Variants in FAM227B observed in about 807,000 individuals in gnomAD.
FAM227B encodes protein FAM227B.
A neutral mutation model predicts 73.8 loss-of-function variants in FAM227B; 88 were observed. The observed-to-expected ratio is 1.19, with a 90% CI of 1.00 to 1.42. The LOEUF is 1.42. Among genes scored for constraint, FAM227B ranks in the 40% most tolerant of loss-of-function variants. The probability of loss-of-function intolerance (pLI) is 0.00; values close to 1 mark genes in which losing one functional copy is unlikely to be tolerated. For missense variants in FAM227B, 632 were observed against 590.9 expected (o/e 1.07, Z -0.72); for synonymous variants, 210 against 190.5 (o/e 1.10, Z -0.84).
intron 13 of FAM227B, chr15:49,366,715 G>T: frequency 8.0e-7 from 1 of 1,247,756 alleles, no homozygotes; most frequent in Non-Finnish European, 1.2e-6. Flanking sequence ...GGGGTGGCGC[G>T]GCGCGGCTCA....
intron 5 of FAM227B, among the ~76,000 whole-genome samples, chr15:49,580,196 A>G (rs1315406556): frequency 6.6e-6 from 1 of 152,204 alleles, no homozygotes; most frequent in East Asian, 1.9e-4. Flanking sequence ...GCCCATTTCA[A>G]TAGATTTTGA....
At chr15:49,464,608 A>G (rs1176554848) in intron 11 of FAM227B, among the ~76,000 whole-genome samples, 1 of 152,222 alleles carries the variant, frequency 6.6e-6, no homozygotes, top group East Asian at 1.9e-4. Flanking sequence ...ATACAAGATA[A>G]AAGTCACTGA....
At chr15:49,368,981 AT>A (rs1231417684) in intron 12 of FAM227B, among the ~76,000 whole-genome samples, 2 of 151,778 alleles carry the variant, frequency 1.3e-5, no homozygotes, top group Non-Finnish European at 1.5e-5. Context: ...GTTTGTTTTT[AT>A]TTTTTTGAGA....
At chr15:49,554,666 G>A (rs924712599) in intron 9 of FAM227B, among the ~76,000 whole-genome samples, 3 of 152,176 alleles carry the variant, frequency 2.0e-5, no homozygotes, top group African/African-American at 7.2e-5. Context: ...GCTGGGGGTT[G>A]GGGAGGGGTG....
chr15:49,363,707 C>G (rs1567156541), intron 13 of FAM227B, among the ~76,000 whole-genome samples: 1 of 151,866 alleles, frequency 6.6e-6, no homozygotes, highest in Non-Finnish European at 1.5e-5. Flanking sequence ...GTTCTGGTTT[C>G]CAAGGTGAAT....
intron 15 of FAM227B, chr15:49,330,516 A>G (rs936459830): frequency 6.6e-6 from 1 of 152,190 alleles, no homozygotes; most frequent in Admixed American, 6.5e-5. Context: ...CAGGGCATCA[A>G]TGAACTAGGG....
At chr15:49,344,496 C>T (rs561184780) in intron 13 of FAM227B, among the ~76,000 whole-genome samples, 4 of 152,286 alleles carry the variant, frequency 2.6e-5, no homozygotes, top group African/African-American at 9.6e-5. Context: ...AGTTTCTCCT[C>T]TCATCCCCAA....
chr15:49,531,921 T>C (rs1334506518), intron 10 of FAM227B, among the ~76,000 whole-genome samples: 1 of 151,816 alleles, frequency 6.6e-6, no homozygotes, highest in Admixed American at 6.6e-5. Context: ...ATAAGTTTGT[T>C]ACTAGATAAA....
intron 11 of FAM227B, among the ~76,000 whole-genome samples, chr15:49,392,726 A>G (rs1249359965): frequency 6.6e-6 from 1 of 152,208 alleles, no homozygotes; most frequent in African/African-American, 2.4e-5. Flanking sequence ...GTGGGTAATT[A>G]TAAGTTCATT....
chr15:49,356,364 G>C (rs1287550822), intron 13 of FAM227B, among the ~76,000 whole-genome samples: 2 of 149,822 alleles, frequency 1.3e-5, no homozygotes, highest in African/African-American at 4.9e-5. Flanking sequence ...ACACACATAG[G>C]CTCAAAATAA....
At chr15:49,543,425 T>C (rs4775814) in intron 9 of FAM227B, among the ~76,000 whole-genome samples, 42,012 of 152,134 alleles carry the variant, frequency 0.28, 6,027 homozygotes, top group East Asian at 0.38. Context: ...GTCGGATGCA[T>C]AGCTTGCAAA....
At chr15:49,497,079 C>T (rs927257610) in intron 11 of FAM227B, among the ~76,000 whole-genome samples, 2 of 152,052 alleles carry the variant, frequency 1.3e-5, no homozygotes, top group Admixed American at 1.3e-4. Flanking sequence ...GGATAGAAGT[C>T]TTTAAAGAAC....
intron 3 of FAM227B, among the ~76,000 whole-genome samples, chr15:49,603,793 T>C (rs1429849548): frequency 6.6e-6 from 1 of 152,208 alleles, no homozygotes; most frequent in East Asian, 1.9e-4. Flanking sequence ...TGTGGGTCTG[T>C]CATATATAGC....
At chr15:49,380,011 G>A (rs1414299103) in intron 11 of FAM227B, among the ~76,000 whole-genome samples, 1 of 152,140 alleles carries the variant, frequency 6.6e-6, no homozygotes, top group Admixed American at 6.5e-5. Context: ...TGGGTCCAGA[G>A]GTGCCATCCA....
chr15:49,410,412 C>T lies in FAM227B; in HGVS notation c.1013-39013G>A, dbSNP rs79535121. Among the ~76,000 whole-genome samples, 463 of 152,192 alleles carry T rather than the reference C, an allele frequency of 3.0e-3. 5 individuals are homozygous for T. The highest frequency in any genetic ancestry group is 0.011 in the African/African-American group (439 of 41,536). ...TTTTGTAAGTAGTTTTCAATAATTT[C>T]TCACTTAACATCTATTTGCTCTTTT... On this transcript the variant is annotated intron_variant, in intron 11 of 15. Transcript: ENST00000299338.
intron 5 of FAM227B, among the ~76,000 whole-genome samples, chr15:49,580,430 A>C (rs1296313788): frequency 6.6e-6 from 1 of 152,144 alleles, no homozygotes; most frequent in African/African-American, 2.4e-5. Context: ...ATTCAGCTAC[A>C]AAAAAAGACC....
chr15:49,554,192 C>A (rs533044744), intron 9 of FAM227B, among the ~76,000 whole-genome samples: 2 of 152,296 alleles, frequency 1.3e-5, no homozygotes, highest in East Asian at 3.9e-4. Context: ...GTCCTCCCCA[C>A]TCTTCCCTCT....
At chr15:49,351,732 G>A (rs2042276542) in intron 13 of FAM227B, among the ~76,000 whole-genome samples, 1 of 146,512 alleles carries the variant, frequency 6.8e-6, no homozygotes, top group African/African-American at 2.5e-5. Flanking sequence ...CCTGATAACA[G>A]TCCCAATGGA....
At chr15:49,508,183 T>C (rs777126777) in intron 11 of FAM227B, 28 bp downstream of exon 11, 3 of 1,591,216 alleles carry the variant, frequency 1.9e-6, no homozygotes, top group Non-Finnish European at 2.6e-6. Context: ...ACCTATTCCA[T>C]TTGGCAGTAT....
Sources: gnomAD v4.1 joint callset for allele counts (sites outside exome capture counted in the v4.1 genomes callset) on GRCh38, gnomAD v4.1.1 for gene constraint, MANE v1.5 for transcripts, NCBI Gene and HGNC (gene_info 2026-07-23, HGNC 2026-07-21) for gene names.